The following FGD3 variants were observed in gnomAD, a reference collection of about 807,000 sequenced individuals.
FGD3 encodes the protein FYVE, RhoGEF and PH domain-containing protein 3.
A neutral mutation model predicts 71.8 loss-of-function variants in FGD3; 45 were observed. The observed-to-expected ratio is 0.63, with a 90% CI of 0.49 to 0.80. The LOEUF (loss-of-function observed/expected upper bound fraction) is 0.80. Ranked by LOEUF, FGD3 falls within the 30% of genes least tolerant of loss-of-function variation. The pLI is 0.00. For synonymous variants in FGD3, 378 were observed against 392.8 expected (o/e 0.96, Z 0.44); for missense variants, 844 against 951.5 (o/e 0.89, Z 1.49).
intron 9 of FGD3, among the ~76,000 whole-genome samples, chr9:93,014,609 A>G (rs1327920028): frequency 6.6e-5 from 10 of 152,114 alleles, no homozygotes; most frequent in Middle Eastern, 3.2e-3. Context: ...AGTTGTGACC[A>G]CAATCAAGTT....
intron 1 of FGD3, among the ~76,000 whole-genome samples, chr9:92,952,352 T>TCAACCTCC (rs1345493825): frequency 1.3e-5 from 2 of 150,642 alleles, no homozygotes; most frequent in African/African-American, 4.9e-5. Context: ...TTCTCCTGCC[T>TCAACCTCC]CAACCTCCCA....
At chr9:92,993,484 A>G (rs1237383290) in intron 3 of FGD3, among the ~76,000 whole-genome samples, 1 of 152,058 alleles carries the variant, frequency 6.6e-6, no homozygotes, top group African/African-American at 2.4e-5. Flanking sequence ...TTATTATTAT[A>G]CTTCAAGTTC....
At chr9:93,005,736 A>C (rs552878574) in intron 5 of FGD3, among the ~76,000 whole-genome samples, 2 of 152,334 alleles carry the variant, frequency 1.3e-5, no homozygotes, top group South Asian at 4.1e-4. Context: ...TCATCATTCA[A>C]GCGATTCTGC....
At chr9:92,963,555 C>T (rs1434281860) in intron 1 of FGD3, among the ~76,000 whole-genome samples, 1 of 152,184 alleles carries the variant, frequency 6.6e-6, no homozygotes, top group Non-Finnish European at 1.5e-5. Context: ...CCTCCTTGGC[C>T]TCCCAAAGTG....
intron 3 of FGD3, among the ~76,000 whole-genome samples, chr9:92,989,888 T>G (rs2118641342): frequency 6.6e-6 from 1 of 151,504 alleles, no homozygotes; most frequent in East Asian, 1.9e-4. Context: ...TGGGGTCCTG[T>G]GTTTTTTTTT....
At chr9:93,027,715 C>CTTTTTTTTTTTTT (rs1199094054) in intron 14 of FGD3, among the ~76,000 whole-genome samples, 1 of 102,002 alleles carries the variant, frequency 9.8e-6, no homozygotes, top group Non-Finnish European at 1.8e-5. Flanking sequence ...TTCTTTCTTT[C>CTTTTTTTTTTTTT]TTTTTTTTTT....
At chr9:93,021,695 C>T (rs1861926290) in intron 13 of FGD3, among the ~76,000 whole-genome samples, 1 of 152,180 alleles carries the variant, frequency 6.6e-6, no homozygotes, top group Non-Finnish European at 1.5e-5. Flanking sequence ...CTGGTTCTGC[C>T]CTCCCTACCA....
chr9:93,021,245 C>G (rs1861906283), intron 13 of FGD3, among the ~76,000 whole-genome samples: 1 of 152,198 alleles, frequency 6.6e-6, no homozygotes, highest in Non-Finnish European at 1.5e-5. Flanking sequence ...ATAGGAGCAT[C>G]TCACTCCCCA....
At chr9:93,008,179 C>T (rs1164157443) in intron 6 of FGD3, among the ~76,000 whole-genome samples, 1 of 152,164 alleles carries the variant, frequency 6.6e-6, no homozygotes, top group Non-Finnish European at 1.5e-5. Context: ...GACTTTTGAG[C>T]GTTTTGAAAC....
rs1861779697 is a variant in FGD3, at chr9:93,018,223, A to C, written c.1355+8A>C. 6.2e-7 allele frequency: 1 copy of C among 1,612,058 alleles called. No homozygotes were observed. The highest frequency in any genetic ancestry group is 2.2e-5 in the East Asian group (1 of 44,868). ...CCTGGAGCTGCAGACGCGGTATGGA[A>C]CGGGCTGTTTCTAGTGAATGTCTTT... On this transcript the variant is annotated splice_region_variant and intron_variant, in intron 11 of 17. Coordinates refer to ENST00000375482, the MANE Select transcript of FGD3 (RefSeq NM_001083536.2).
Position 93,032,715 on chromosome 9 carries a change from T to C in FGD3, c.1681-54T>C, listed in dbSNP as rs1241689670. On this transcript the variant is annotated intron_variant, in intron 15 of 17. Coordinates refer to ENST00000375482, the MANE Select transcript of FGD3 (RefSeq NM_001083536.2). ...CACTCTACCTCCTCTGGCATCTTCC[T>C]GGATAATCCTCTGTCCCAGGGTGCT... 5 of 1,559,046 alleles carry C rather than the reference T, an allele frequency of 3.2e-6. No homozygotes were observed. In the East Asian group the frequency reaches 1.1e-4, roughly 35 times the overall value.
In FGD3 at chr9:93,035,509, A is replaced by C; in HGVS notation, c.2098A>C (p.Thr700Pro). Residue 700 changes from threonine to proline, a missense_variant, in exon 18 of 18, where the codon ACT (threonine) becomes CCT (proline). Physicochemically the swap from Thr to Pro is conservative, Grantham distance 38. Coordinates refer to ENST00000375482, the MANE Select transcript of FGD3 (RefSeq NM_001083536.2). Reference protein sequence around the residue: ...LQQQWLETLSTAAHGDTAQDS... With the variant: ...LQQQWLETLSPAAHGDTAQDS... ...GCAGCAGTGGCTGGAAACCCTAAGC[A>C]CTGCTGCCCATGGGGACACGGCCCA... is the stretch of plus-strand genomic sequence containing the variant. The C allele has an allele frequency of 6.2e-7, 1 of 1,612,982 alleles. No individual in the cohort carries two copies. The highest frequency in any genetic ancestry group is 1.1e-5 in the South Asian group (1 of 91,064).
intron 1 of FGD3, among the ~76,000 whole-genome samples, chr9:92,959,240 C>T (rs1316689715): frequency 2.0e-5 from 3 of 151,980 alleles, no homozygotes; most frequent in South Asian, 2.1e-4. Flanking sequence ...GGATTATATG[C>T]GTGAACCACT....
At chr9:93,008,519 TTGAGGCTGTGCCTTTTCCTGGAG>T (rs1181836092) in intron 6 of FGD3, among the ~76,000 whole-genome samples, 38 of 152,340 alleles carry the variant, frequency 2.5e-4, no homozygotes, top group African/African-American at 7.7e-4. Context: ...CACAGTTTGA[TTGAGGCTGTGCCTTTTCCTGGAG>T]TGAGGCTGTG....
At chr9:92,992,160 G>T (rs1564153434) in intron 3 of FGD3, among the ~76,000 whole-genome samples, 1 of 152,162 alleles carries the variant, frequency 6.6e-6, no homozygotes, top group Non-Finnish European at 1.5e-5. Context: ...GATTATTATT[G>T]ATTGGTGAGA....
At chr9:92,978,788 C>T (rs868127512) in intron 3 of FGD3, among the ~76,000 whole-genome samples, 32 of 67,510 alleles carry the variant, frequency 4.7e-4, no homozygotes, top group African/African-American at 1.6e-3. Flanking sequence ...CCCTCCCCTC[C>T]CCTCCCCTCT....
chr9:93,015,786 A>C lies in FGD3; in HGVS notation c.1232A>C (p.Gln411Pro), dbSNP rs1361108412. The change falls in exon 10 of 18, where the codon CAG becomes CCG. Residue 411 changes from glutamine (Q) to proline (P), a missense_variant. By Grantham distance (76) the Gln-to-Pro change is moderately conservative. Transcript: ENST00000375482. ...GTGCCCAAGCTGCGGCTCATGGGCCAGAAGTTCAGCGTCCGGGAGAAGATG... is the reference window on the plus strand; with the variant it reads ...GTGCCCAAGCTGCGGCTCATGGGCCCGAAGTTCAGCGTCCGGGAGAAGATG... ...YCVPKLRLMG[Q>P]KFSVREKMDI... 6.2e-7 allele frequency: 1 copy of C among 1,614,084 alleles called. No individual in the cohort carries two copies. Among genetic ancestry groups the C allele is most frequent in the Non-Finnish European group, 8.5e-7 (1 of 1,180,044 alleles).
At chr9:92,963,058 A>G (rs540894898) in intron 1 of FGD3, among the ~76,000 whole-genome samples, 92 of 152,228 alleles carry the variant, frequency 6.0e-4, no homozygotes, top group African/African-American at 2.1e-3. Flanking sequence ...GGCTGGGTGT[A>G]GCTCTGCATC....
At chr9:92,958,996 G>C (rs1288620173) in intron 1 of FGD3, among the ~76,000 whole-genome samples, 1 of 152,112 alleles carries the variant, frequency 6.6e-6, no homozygotes, top group Non-Finnish European at 1.5e-5. Context: ...GTCTCGCTCT[G>C]TCGCCCAGGC....
Sources: allele counts gnomAD v4.1 joint callset (sites outside exome capture counted in the v4.1 genomes callset), GRCh38; gene constraint gnomAD v4.1.1; transcripts MANE v1.5; gene names NCBI Gene and HGNC (gene_info 2026-07-23, HGNC 2026-07-21).